The following NBAS variants were observed in gnomAD, a reference collection of about 807,000 sequenced individuals.
NBAS encodes NAG/BC035112 fusion.
Under a neutral mutation model 302.5 loss-of-function variants are expected in NBAS, and 219 were observed. That is an observed-to-expected ratio of 0.72 (90% CI 0.65 to 0.81). The LOEUF is 0.81. Ranked by LOEUF, NBAS falls within the 30% of genes least tolerant of loss-of-function variation. The pLI, the probability that NBAS is intolerant of heterozygous loss-of-function variation, is 0.00. For missense variants in NBAS, 2,932 were observed against 2,841.6 expected, an observed-to-expected ratio of 1.03 and a Z score of -0.72; for synonymous variants, 1,118 against 1,021.6, an observed-to-expected ratio of 1.09 and a Z score of -1.80.
intron 35 of NBAS, among the ~76,000 whole-genome samples, chr2:15,336,296 T>C (rs971955641): frequency 2.6e-5 from 4 of 152,186 alleles, no homozygotes; most frequent in Non-Finnish European, 5.9e-5. Flanking sequence ...AACTAGACAG[T>C]GAGCTATTCA....
chr2:15,188,191 G>C (rs555543573), intron 49 of NBAS, among the ~76,000 whole-genome samples: 1 of 152,286 alleles, frequency 6.6e-6, no homozygotes, highest in East Asian at 1.9e-4. Context: ...TCTTCCTTAA[G>C]TACAAACTCA....
At chr2:15,520,936 T>C (rs1662640646) in intron 9 of NBAS, among the ~76,000 whole-genome samples, 1 of 152,230 alleles carries the variant, frequency 6.6e-6, no homozygotes, top group Non-Finnish European at 1.5e-5. Flanking sequence ...CAATAGCAGT[T>C]ATGAAACCAT....
At chr2:15,309,713 T>C (rs541626762) in intron 38 of NBAS, among the ~76,000 whole-genome samples, 32 of 152,336 alleles carry the variant, frequency 2.1e-4, no homozygotes, top group African/African-American at 7.7e-4. Flanking sequence ...ATTTTGTTCC[T>C]TCCAATAACA....
the NBAS span, among the ~76,000 whole-genome samples, chr2:14,825,840 A>T: frequency 2.6e-5 from 4 of 152,204 alleles, no homozygotes; most frequent in African/African-American, 9.7e-5. Context: ...GCTGGGTGTC[A>T]GTAGGCATTT....
intron 49 of NBAS, among the ~76,000 whole-genome samples, chr2:15,187,577 G>A (rs533087588): frequency 4.3e-4 from 66 of 152,116 alleles, no homozygotes; most frequent in African/African-American, 1.1e-3. Context: ...AAAGTTTGCC[G>A]TTTCTTTCCC....
chr2:15,185,322 G>C (rs1340194631), intron 50 of NBAS, among the ~76,000 whole-genome samples: 2 of 152,200 alleles, frequency 1.3e-5, no homozygotes, highest in Non-Finnish European at 2.9e-5. Flanking sequence ...ACCACCTCCT[G>C]TTAGGCAGTA....
chr2:15,026,492 G>A, the NBAS span, among the ~76,000 whole-genome samples: 36 of 124,004 alleles, frequency 2.9e-4, no homozygotes, highest in Middle Eastern at 4.5e-3. Context: ...AAAAAAAAAA[G>A]TCTTTTCTGC....
the NBAS span, among the ~76,000 whole-genome samples, chr2:14,909,307 G>T: frequency 8.8e-6 from 1 of 113,692 alleles, no homozygotes; most frequent in Middle Eastern, 5.8e-3. Flanking sequence ...GTGACAGAGC[G>T]AGACTCCGTC....
chr2:15,391,356 C>A (rs1026360903), intron 28 of NBAS, among the ~76,000 whole-genome samples: 3 of 142,690 alleles, frequency 2.1e-5, no homozygotes, highest in Non-Finnish European at 4.6e-5. Context: ...TTAATAAAAA[C>A]CAAAATTGAA....
intron 32 of NBAS, among the ~76,000 whole-genome samples, chr2:15,358,739 C>T (rs1040843237): frequency 2.0e-4 from 31 of 152,186 alleles, no homozygotes; most frequent in Admixed American, 1.4e-3. Context: ...ACCAACACAC[C>T]TGGCTTGTGT....
chr2:15,129,997 C>A, the NBAS span, among the ~76,000 whole-genome samples: 1 of 152,200 alleles, frequency 6.6e-6, no homozygotes, highest in Non-Finnish European at 1.5e-5. Context: ...GCAGCCCTCA[C>A]AACCATCTGG....
At chr2:14,849,194 T>C in the NBAS span, among the ~76,000 whole-genome samples, 1 of 146,170 alleles carries the variant, frequency 6.8e-6, no homozygotes, top group Admixed American at 6.8e-5. Context: ...TTTAGAAGAA[T>C]GTATAACTAG....
At chr2:15,081,770 C>T in the NBAS span, among the ~76,000 whole-genome samples, 3 of 152,218 alleles carry the variant, frequency 2.0e-5, no homozygotes, top group Non-Finnish European at 4.4e-5. Context: ...CCAGGTGTGA[C>T]TCAGATTAGA....
the NBAS span, among the ~76,000 whole-genome samples, chr2:15,001,157 G>A: frequency 1.3e-5 from 2 of 152,130 alleles, no homozygotes; most frequent in African/African-American, 4.8e-5. Context: ...AGGAACACAA[G>A]GTTGATGGAA....
the NBAS span, among the ~76,000 whole-genome samples, chr2:14,978,234 C>T: frequency 0.022 from 3,376 of 152,258 alleles, 143 homozygotes; most frequent in African/African-American, 0.077. Context: ...TTCTCTTCCT[C>T]ATATCTCTAC....
chr2:15,295,801 T>C (rs924881052), intron 40 of NBAS, among the ~76,000 whole-genome samples: 3 of 152,154 alleles, frequency 2.0e-5, no homozygotes, highest in Non-Finnish European at 2.9e-5. Context: ...TTGAAGTCTG[T>C]AGTACTGGTT....
chr2:15,302,515 A>G (rs1415350819), intron 40 of NBAS, among the ~76,000 whole-genome samples: 1 of 152,126 alleles, frequency 6.6e-6, no homozygotes, highest in Non-Finnish European at 1.5e-5. Flanking sequence ...TGTTGCACCC[A>G]GAAAGGGAAT....
the NBAS span, among the ~76,000 whole-genome samples, chr2:15,124,351 G>A: frequency 3.3e-5 from 5 of 152,172 alleles, no homozygotes; most frequent in Admixed American, 6.5e-5. Context: ...TCAGAGGAGG[G>A]AGCAAAAGAA....
intron 12 of NBAS, among the ~76,000 whole-genome samples, chr2:15,485,945 T>A (rs3815601): frequency 0.014 from 2,062 of 152,210 alleles, 36 homozygotes; most frequent in East Asian, 0.059. Context: ...ATGCCTTCCA[T>A]GTTCCCTACT....
Sources: gnomAD v4.1 joint callset for allele counts (sites outside exome capture counted in the v4.1 genomes callset) on GRCh38, gnomAD v4.1.1 for gene constraint, MANE v1.5 for transcripts, NCBI Gene and HGNC (gene_info 2026-07-23, HGNC 2026-07-21) for gene names.